The following URI1 variants were observed in gnomAD, a reference collection of about 807,000 sequenced individuals.
URI1 encodes URI1 prefoldin like chaperone, also known as unconventional prefoldin RPB5 interactor 1.
In URI1, 39 loss-of-function variants were observed where a neutral mutation model predicts 60.2. That is an observed-to-expected ratio of 0.65 (90% CI 0.50 to 0.85). The LOEUF (loss-of-function observed/expected upper bound fraction) is 0.85, where lower values mean the gene tolerates loss of function less well. URI1 is among the 40% of genes least tolerant of loss of function. URI1 has a pLI of 0.00. For missense variants in URI1, 691 were observed against 665.9 expected, an observed-to-expected ratio of 1.04 and a Z score of -0.42; for synonymous variants, 251 against 236.8, an observed-to-expected ratio of 1.06 and a Z score of -0.55.
In URI1 at chr19:30,014,940, A is replaced by T. The variant is rs780202819; in HGVS notation, c.1479A>T (p.Pro493=). 6.2e-7 allele frequency: 1 copy of T among 1,612,960 alleles called. No individual in the cohort carries two copies. The highest frequency in any genetic ancestry group is 8.5e-7 in the Non-Finnish European group (1 of 1,179,540). The change falls in exon 11 of 11, where the codon CCA becomes CCT. Residue 493 remains proline, a synonymous_variant. Coordinates refer to ENST00000392271, the MANE Select transcript of URI1 (RefSeq NM_003796.3). ...AATTTGTATCACCTTCCTTAACACC[A>T]CCCCCAGCCATTGCTCATCCCGCAC... ...EKEFVSPSLT[P]PPAIAHPALP...
intron 1 of URI1, among the ~76,000 whole-genome samples, chr19:29,935,955 T>G (rs2054968155): frequency 6.6e-6 from 1 of 151,754 alleles, no homozygotes; most frequent in Non-Finnish European, 1.5e-5. Flanking sequence ...CCTGGCTAGT[T>G]TTTTGTATTT....
chr19:30,008,372 C>A (rs1403780997), intron 7 of URI1, among the ~76,000 whole-genome samples: 4 of 152,016 alleles, frequency 2.6e-5, no homozygotes, highest in African/African-American at 9.7e-5. Context: ...TTAACTAATA[C>A]TATTCATTTT....
intron 4 of URI1, among the ~76,000 whole-genome samples, chr19:30,000,524 G>T (rs1259193890): frequency 6.6e-6 from 1 of 151,842 alleles, no homozygotes; most frequent in Non-Finnish European, 1.5e-5. Flanking sequence ...GCTTCTTATT[G>T]TTAAGTAGAC....
At chr19:30,005,328 T>G (rs757942819) in intron 4 of URI1, 33 bp from the exon 5 acceptor site, 1 of 1,283,928 alleles carries the variant, frequency 7.8e-7, no homozygotes, top group East Asian at 2.4e-5. Flanking sequence ...ATATATGCCA[T>G]GCTTTACATA....
intron 1 of URI1, among the ~76,000 whole-genome samples, chr19:29,943,501 T>G (rs1255771502): frequency 6.6e-6 from 1 of 152,244 alleles, no homozygotes; most frequent in Non-Finnish European, 1.5e-5. Flanking sequence ...CTTAAAATAT[T>G]TTATGTCATG....
At chr19:30,000,320 G>A (rs1304209719) in intron 4 of URI1, among the ~76,000 whole-genome samples, 1 of 151,898 alleles carries the variant, frequency 6.6e-6, no homozygotes, top group Non-Finnish European at 1.5e-5. Flanking sequence ...TCAAAGGAGA[G>A]CCGTCTTCCT....
At chr19:29,959,326 C>A (rs923278671) in intron 1 of URI1, among the ~76,000 whole-genome samples, 3 of 152,156 alleles carry the variant, frequency 2.0e-5, no homozygotes, top group African/African-American at 7.2e-5. Context: ...CAGAGTCTCA[C>A]TATGTTGCCC....
At chr19:29,958,374 G>A (rs191768197) in intron 1 of URI1, among the ~76,000 whole-genome samples, 23 of 152,170 alleles carry the variant, frequency 1.5e-4, no homozygotes, top group Middle Eastern at 6.8e-3. Context: ...GTAGCTACTC[G>A]TTATGAAAAT....
Position 30,014,977 on chromosome 19 carries a change from C to T in URI1, c.1516C>T (p.Pro506Ser), listed in dbSNP as rs775988779. ...TGCTCATCCCGCACTACCCACTATT[C>T]CAGAACGAAAGGAAGTTCTGTTGGA... is the stretch of plus-strand genomic sequence containing the variant. ...AIAHPALPTI[P>S]ERKEVLLEAS... Residue 506 changes from proline (P) to serine (S), a missense_variant, in exon 11 of 11, where the codon CCA (proline) becomes TCA (serine). Physicochemically the swap from Pro to Ser is moderately conservative, Grantham distance 74 (BLOSUM62 -1). Coordinates refer to ENST00000392271, the MANE Select transcript of URI1 (RefSeq NM_003796.3). 2 of 1,613,750 alleles carry T rather than the reference C, an allele frequency of 1.2e-6. No individual in the cohort carries two copies. The highest frequency in any genetic ancestry group is 1.3e-5 in the African/African-American group (1 of 74,986).
chr19:29,984,604 G>A (rs1242044665), intron 2 of URI1, among the ~76,000 whole-genome samples: 1 of 152,096 alleles, frequency 6.6e-6, no homozygotes, highest in Non-Finnish European at 1.5e-5. Flanking sequence ...CAGAGTCCCT[G>A]AAGAGTCTTA....
chr19:29,996,797 G>GT lies in URI1; in HGVS notation c.368-8553dup, dbSNP rs879938390. Among the ~76,000 whole-genome samples the GT allele has an allele frequency of 9.8e-3, 1,435 of 146,204 alleles. 27 individuals are homozygous for GT. Among genetic ancestry groups the GT allele is most frequent in the African/African-American group, 0.031 (1,249 of 40,136 alleles). On this transcript the variant is annotated intron_variant, in intron 4 of 10. Transcript: ENST00000392271. The stretch of plus-strand genomic sequence containing the variant: ...TTCCCTTCTGTTTCTAATTTATTGA[G>GT]TTTTTTTTTTTAATCATGAAAGGTT...
At chr19:29,976,918 G>C (rs1030551194) in intron 2 of URI1, among the ~76,000 whole-genome samples, 6 of 152,264 alleles carry the variant, frequency 3.9e-5, no homozygotes, top group African/African-American at 1.4e-4. Flanking sequence ...AGACATAAAA[G>C]TTCTAAAACA....
chr19:29,930,721 G>A (rs112511397), intron 1 of URI1, among the ~76,000 whole-genome samples: 43 of 152,040 alleles, frequency 2.8e-4, no homozygotes, highest in Non-Finnish European at 5.0e-4. Context: ...TTGAGACAAA[G>A]TCTTGCTCTG....
chr19:29,964,116 C>T (rs2055359711), intron 1 of URI1, among the ~76,000 whole-genome samples: 2 of 152,128 alleles, frequency 1.3e-5, no homozygotes, highest in Admixed American at 1.3e-4. Context: ...CAGGGCCCAA[C>T]ATAATTCTCA....
intron 4 of URI1, among the ~76,000 whole-genome samples, chr19:29,999,507 CCTT>C (rs1299873767): frequency 2.0e-5 from 3 of 152,054 alleles, no homozygotes; most frequent in Non-Finnish European, 2.9e-5. Context: ...CATCCCATAA[CCTT>C]CTGTGCTTCA....
chr19:29,978,283 C>A (rs561373072), intron 2 of URI1, among the ~76,000 whole-genome samples: 12 of 152,226 alleles, frequency 7.9e-5, no homozygotes, highest in Middle Eastern at 3.4e-3. Flanking sequence ...AATCCCTAAT[C>A]ACATTTCATC....
At chr19:30,008,445 G>A (rs539694788) in intron 7 of URI1, among the ~76,000 whole-genome samples, 6 of 152,024 alleles carry the variant, frequency 3.9e-5, no homozygotes, top group Admixed American at 2.6e-4. Flanking sequence ...TTTTTTGTAT[G>A]ATGTTATTTC....
chr19:30,005,770 G>T (rs2055934908), intron 6 of URI1, 62 bp downstream of exon 6: 5 of 1,466,292 alleles, frequency 3.4e-6, no homozygotes, highest in South Asian at 1.2e-5. Flanking sequence ...TTGATTTTCA[G>T]TGGGCTTTCT....
At chr19:29,959,804 A>T (rs1599675500) in intron 1 of URI1, among the ~76,000 whole-genome samples, 1 of 151,594 alleles carries the variant, frequency 6.6e-6, no homozygotes, top group Admixed American at 6.6e-5. Context: ...TTTGCCTTTG[A>T]TTTTTTTCCT....
Sources: gnomAD v4.1 joint callset for allele counts (sites outside exome capture counted in the v4.1 genomes callset) on GRCh38, gnomAD v4.1.1 for gene constraint, MANE v1.5 for transcripts, NCBI Gene and HGNC (gene_info 2026-07-23, HGNC 2026-07-21) for gene names.